AP3S2: variants seen among roughly 807,000 people sequenced by gnomAD.
AP3S2 encodes the protein adaptor related protein complex 3 subunit sigma 2.
In AP3S2, 22 loss-of-function variants were observed where a neutral mutation model predicts 23.4. That is an observed-to-expected ratio of 0.94 (90% confidence interval 0.67 to 1.34). The LOEUF is 1.34. AP3S2 is among the 40% of genes most tolerant of loss of function. AP3S2 has a pLI of 0.00. For synonymous variants in AP3S2, 86 were observed against 87.1 expected (o/e 0.99, Z 0.07); for missense variants, 241 against 236.9 (o/e 1.02, Z -0.11).
At chr15:89,842,039 A>G (rs1165309683) in intron 4 of AP3S2, among the ~76,000 whole-genome samples, 1 of 152,174 alleles carries the variant, frequency 6.6e-6, no homozygotes, top group Non-Finnish European at 1.5e-5. Context: ...CAAGAACTTT[A>G]GCAGAGGTAG....
In AP3S2 at chr15:89,888,515, A is replaced by G; in HGVS notation, c.273+6T>C. On this transcript the variant is annotated splice_donor_region_variant and intron_variant, in intron 3 of 5. Coordinates refer to ENST00000336418, the MANE Select transcript of AP3S2 (RefSeq NM_005829.5). Reference sequence around the variant, plus strand: ...GCTGCTGCCATCATTAGCTGACTACACATACCTGGATGAGGTCCAAGATTC... The same window carrying G: ...GCTGCTGCCATCATTAGCTGACTACGCATACCTGGATGAGGTCCAAGATTC... 1 of 1,613,854 alleles carries G rather than the reference A, an allele frequency of 6.2e-7. No individual in the cohort carries two copies. Among genetic ancestry groups the G allele is most frequent in the Non-Finnish European group, 8.5e-7 (1 of 1,179,780 alleles).
At chr15:89,888,125 G>C (rs1004441138) in intron 3 of AP3S2, among the ~76,000 whole-genome samples, 1 of 152,154 alleles carries the variant, frequency 6.6e-6, no homozygotes, top group African/African-American at 2.4e-5. Flanking sequence ...CTACCTATGG[G>C]CTTATTCAAG....
chr15:89,858,477 AAGAAAGAAAGAAAGAAAGAGAGAG>A (rs1369153549), intron 4 of AP3S2, among the ~76,000 whole-genome samples: 6 of 31,436 alleles, frequency 1.9e-4, no homozygotes, highest in African/African-American at 7.6e-4. Context: ...GAAAGAAAGA[AAGAAAGAAAGAAAGAAAGAGAGAG>A]AGAGAGAGAG....
intron 4 of AP3S2, among the ~76,000 whole-genome samples, chr15:89,853,705 A>G (rs1346836956): frequency 1.5e-5 from 2 of 134,032 alleles, no homozygotes; most frequent in Non-Finnish European, 3.2e-5. Context: ...GGAAGTGAGG[A>G]GCGTCTCTGC....
Position 89,848,196 on chromosome 15 carries a change from G to A in AP3S2, c.346-10474C>T, listed in dbSNP as rs117942303. On this transcript the variant is annotated intron_variant, in intron 4 of 5. Transcript: ENST00000336418. ...CTGTGGAGTCTTTCTCAAAATAACT[G>A]TGTTATACATAGAAGACAAAAACAC... is the stretch of plus-strand genomic sequence containing the variant. 4.4e-4 allele frequency among the ~76,000 whole-genome samples: 67 copies of A among 152,282 alleles called. No homozygotes were observed. The East Asian group carries it at 9.4e-3, about 21-fold the overall frequency.
intron 3 of AP3S2, among the ~76,000 whole-genome samples, chr15:89,872,336 C>T (rs1055095620): frequency 6.6e-6 from 1 of 152,040 alleles, no homozygotes; most frequent in Non-Finnish European, 1.5e-5. Flanking sequence ...AAAATACCTT[C>T]CTATGAATAA....
At chr15:89,890,152 C>A (rs62020516) in intron 1 of AP3S2, among the ~76,000 whole-genome samples, 1 of 151,804 alleles carries the variant, frequency 6.6e-6, no homozygotes, top group African/African-American at 2.4e-5. Context: ...CGGGTTCAAG[C>A]GATTCTCCTG....
At chr15:89,855,128 G>C (rs886604785) in intron 4 of AP3S2, among the ~76,000 whole-genome samples, 7 of 132,674 alleles carry the variant, frequency 5.3e-5, no homozygotes, top group African/African-American at 1.7e-4. Context: ...GATGGTTGCC[G>C]TGTCTGTGTA....
rs1489154744 is a variant in AP3S2, at chr15:89,832,108, T to C, written c.*3407A>G. On this transcript the variant is annotated 3_prime_UTR_variant, in exon 6 of 6. Transcript: ENST00000336418. ...CACCAGGCACTTAGAAATTGCATAA[T>C]GAAAGAATTTCAGATTTTTATTAGT... 1 of 152,154 alleles carries C rather than the reference T, an allele frequency of 6.6e-6. No individual in the cohort carries two copies. Among genetic ancestry groups the C allele is most frequent in the Non-Finnish European group, 1.5e-5 (1 of 68,034 alleles). The allele number at this position is 152,154 out of a possible 1,614,324, so 9.4% of individuals were successfully genotyped here.
chr15:89,857,022 G>A (rs957830189), intron 4 of AP3S2, among the ~76,000 whole-genome samples: 3 of 152,172 alleles, frequency 2.0e-5, no homozygotes, highest in African/African-American at 4.8e-5. Context: ...TTCCAAAGGC[G>A]TTTACAATCT....
chr15:89,844,348 T>C (rs1459559358), intron 4 of AP3S2, among the ~76,000 whole-genome samples: 1 of 151,180 alleles, frequency 6.6e-6, no homozygotes, highest in East Asian at 1.9e-4. Context: ...TCTTTCTTTC[T>C]TTTTTTAGAG....
chr15:89,848,447 G>C (rs1056707334), intron 4 of AP3S2: 3 of 152,308 alleles, frequency 2.0e-5, no homozygotes, highest in Non-Finnish European at 4.4e-5. Context: ...TGCAGGCTCC[G>C]CCTCCCAGGT....
rs1895158310 is a variant in AP3S2 at position 89,835,154 on chromosome 15, G to C, written c.*361C>G. Reference sequence around the variant, plus strand: ...GCTCAGCCCTAGTGAGGAGGTTCTGGGAAGCAGGTGGGCCTGCTCAATGCA... The same window carrying C: ...GCTCAGCCCTAGTGAGGAGGTTCTGCGAAGCAGGTGGGCCTGCTCAATGCA... On this transcript the variant is annotated 3_prime_UTR_variant, in exon 6 of 6. Transcript: ENST00000336418. The C allele has an allele frequency of 3.2e-6, 1 of 314,628 alleles. No individual in the cohort carries two copies. Among genetic ancestry groups the C allele is most frequent in the African/African-American group, 2.1e-5 (1 of 46,892 alleles). 19.5% of individuals were successfully genotyped at this position (314,628 alleles called of 1,614,324 possible). A position where few individuals can be genotyped will look rare whatever the true frequency, so the allele number is the denominator to read the frequency against.
At position 89,855,354 on chromosome 15, in the gene AP3S2, T is replaced by A. The variant is rs1350892625; in HGVS notation, c.345+16121A>T. ...CATGCGCGTTAAGAGTCATCACCAATCCCTAATCTCAAGTAATCAGGGACA... is the reference window on the plus strand; with the variant it reads ...CATGCGCGTTAAGAGTCATCACCAAACCCTAATCTCAAGTAATCAGGGACA... On this transcript the variant is annotated intron_variant, in intron 4 of 5. Coordinates refer to ENST00000336418, the MANE Select transcript of AP3S2 (RefSeq NM_005829.5). Among the ~76,000 whole-genome samples, 77 of 96,170 alleles carry A rather than the reference T, an allele frequency of 8.0e-4. 2 individuals are homozygous for A. In the Admixed American group the frequency reaches 9.1e-3, roughly 11 times the overall value. 63.1% of individuals were successfully genotyped at this position (96,170 alleles called of 152,430 possible).
chr15:89,872,816 T>C (rs1896351924), intron 3 of AP3S2, among the ~76,000 whole-genome samples: 1 of 152,196 alleles, frequency 6.6e-6, no homozygotes, highest in African/African-American at 2.4e-5. Context: ...GTTTGCACTT[T>C]TTCCTTGCCG....
intron 4 of AP3S2, among the ~76,000 whole-genome samples, chr15:89,864,163 T>C (rs923298292): frequency 8.5e-5 from 13 of 152,240 alleles, no homozygotes; most frequent in African/African-American, 2.2e-4. Context: ...ATGGAACTTA[T>C]CTGAAGATAA....
At position 89,855,087 on chromosome 15, in the gene AP3S2, C is replaced by G. The variant is rs930712493; in HGVS notation, c.345+16388G>C. On this transcript the variant is annotated intron_variant, in intron 4 of 5. Transcript: ENST00000336418. ...ATGACGGCTTTGTGGAACAGAAAGG[C>G]GGGAAAGGTGGGGAAAAGATTGAGA... Among the ~76,000 whole-genome samples the G allele has an allele frequency of 5.0e-5, 7 of 141,074 alleles. No homozygotes were observed. In the South Asian group the frequency reaches 1.4e-3, roughly 28 times the overall value. 92.6% of individuals were successfully genotyped at this position (141,074 alleles called of 152,430 possible). A position where few individuals can be genotyped will look rare whatever the true frequency, so the allele number is the denominator to read the frequency against.
chr15:89,890,559 G>A (rs1340603698), intron 1 of AP3S2, among the ~76,000 whole-genome samples: 8 of 152,170 alleles, frequency 5.3e-5, no homozygotes, highest in Admixed American at 5.2e-4. Context: ...AATCAGCTGT[G>A]AATGCTGTTA....
intron 3 of AP3S2, among the ~76,000 whole-genome samples, chr15:89,875,089 G>A (rs1479039033): frequency 2.0e-5 from 3 of 152,240 alleles, no homozygotes; most frequent in Non-Finnish European, 4.4e-5. Context: ...CCAGGCCCCC[G>A]GAAGGAGCTA....
Sources: gnomAD v4.1 joint callset for allele counts (sites outside exome capture counted in the v4.1 genomes callset) on GRCh38, gnomAD v4.1.1 for gene constraint, MANE v1.5 for transcripts, NCBI Gene and HGNC (gene_info 2026-07-23, HGNC 2026-07-21) for gene names.